The following TULP4 variants were observed in gnomAD, a reference collection of about 807,000 sequenced individuals.
TULP4 encodes TUB like protein 4.
In TULP4, 16 loss-of-function variants were observed where a neutral mutation model predicts 129.0. The observed-to-expected ratio is 0.12, with a 90% CI of 0.08 to 0.19. The LOEUF (loss-of-function observed/expected upper bound fraction) is 0.19. TULP4 is among the 10% of genes least tolerant of loss of function. The probability of loss-of-function intolerance (pLI) is 1.00; values close to 1 mark genes in which losing one functional copy is unlikely to be tolerated. For synonymous variants in TULP4, 998 were observed against 854.0 expected, an observed-to-expected ratio of 1.17 and a Z score of -2.94; for missense variants, 1,842 against 2,059.1, an observed-to-expected ratio of 0.89 and a Z score of 2.04.
intron 1 of TULP4, among the ~76,000 whole-genome samples, chr6:158,285,427 T>G (rs745435330): frequency 1.1e-4 from 17 of 152,142 alleles, no homozygotes; most frequent in Non-Finnish European, 2.1e-4. Flanking sequence ...AGGAAACACT[T>G]TTGCTGGCCA....
intron 1 of TULP4, among the ~76,000 whole-genome samples, chr6:158,241,566 A>T (rs1043447739): frequency 4.0e-5 from 6 of 150,784 alleles, no homozygotes; most frequent in African/African-American, 1.5e-4. Flanking sequence ...ATACAGCGAA[A>T]CCCCGTCTCC....
chr6:158,450,188 C>T (rs560409497), intron 4 of TULP4, among the ~76,000 whole-genome samples: 9 of 152,346 alleles, frequency 5.9e-5, no homozygotes, highest in Non-Finnish European at 1.0e-4. Context: ...AGTGGTCACA[C>T]TGCCGCAGGC....
chr6:158,429,593 T>C, intron 2 of TULP4, 143 bp from the exon 3 acceptor site: 2 of 944,314 alleles, frequency 2.1e-6, no homozygotes, highest in Non-Finnish European at 3.1e-6. Context: ...GTAACGTTTT[T>C]ATAGCTTTCA....
At position 158,296,022 on chromosome 6, in the gene TULP4, G is replaced by A. The variant is rs143770317; in HGVS notation, n.116+13644G>A. 7.0e-4 allele frequency among the ~76,000 whole-genome samples: 106 copies of A among 152,116 alleles called. 2 individuals are homozygous for A. In the East Asian group the frequency reaches 0.012, roughly 17 times the overall value. On this transcript the variant is annotated intron_variant and non_coding_transcript_variant, in intron 1 of 1. Coordinates refer to the TULP4 transcript ENST00000432358. Reference sequence around the variant, plus strand: ...TATTTTTTCTTTTTAATTTTTAGTCGTACCACCAATGTATTCTCTATTAAC... The same window carrying A: ...TATTTTTTCTTTTTAATTTTTAGTCATACCACCAATGTATTCTCTATTAAC...
At chr6:158,275,911 G>A (rs1161370523) in intron 1 of TULP4, among the ~76,000 whole-genome samples, 1 of 152,144 alleles carries the variant, frequency 6.6e-6, no homozygotes, top group Non-Finnish European at 1.5e-5. Flanking sequence ...GGAGTATACA[G>A]TTCAGATATA....
intron 1 of TULP4, among the ~76,000 whole-genome samples, chr6:158,243,208 C>T (rs1777958789): frequency 1.3e-5 from 2 of 152,244 alleles, no homozygotes; most frequent in South Asian, 4.1e-4. Flanking sequence ...CTCTCACGTC[C>T]CTCCACTTGG....
At chr6:158,283,148 A>C (rs903729968) in intron 1 of TULP4, among the ~76,000 whole-genome samples, 8 of 151,792 alleles carry the variant, frequency 5.3e-5, no homozygotes, top group Non-Finnish European at 4.4e-5. Flanking sequence ...CAAAAAAAAA[A>C]AAACAAAAAA....
rs1030935225 is a variant in TULP4, at chr6:158,494,687, T to C, written c.1777-66T>C. On this transcript the variant is annotated intron_variant, in intron 10 of 13. Transcript: ENST00000367097. The stretch of plus-strand genomic sequence containing the variant: ...AAGTAATAAATATTAACATTCTTAC[T>C]GAGTGACCAGTTGAAAATACGGAAA... 4 of 1,429,372 alleles carry C rather than the reference T, an allele frequency of 2.8e-6. No individual in the cohort carries two copies. The South Asian group carries it at 3.6e-5, about 13-fold the overall frequency. The allele number at this position is 1,429,372 out of a possible 1,614,324, so 88.5% of individuals were successfully genotyped here.
Position 158,292,345 on chromosome 6 carries a change from C to G in TULP4, n.116+9967C>G, listed in dbSNP as rs571568639. Among the ~76,000 whole-genome samples, 3 of 152,306 alleles carry G rather than the reference C, an allele frequency of 2.0e-5. No individual in the cohort carries two copies. In the South Asian group the frequency reaches 6.2e-4, roughly 32 times the overall value. On this transcript the variant is annotated intron_variant and non_coding_transcript_variant, in intron 1 of 1. Transcript: ENST00000432358. ...TTCTGGGTAAACTGTGACTATTGGTCACCCTAATTCCGATTCCAGTGCTTG... is the reference window on the plus strand; with the variant it reads ...TTCTGGGTAAACTGTGACTATTGGTGACCCTAATTCCGATTCCAGTGCTTG...
intron 2 of TULP4, among the ~76,000 whole-genome samples, chr6:158,419,349 G>T (rs1055950517): frequency 1.1e-4 from 16 of 152,116 alleles, no homozygotes; most frequent in African/African-American, 3.9e-4. Context: ...TTTTTAAAAA[G>T]CTAAATGTTT....
intron 1 of TULP4, among the ~76,000 whole-genome samples, chr6:158,249,388 T>G (rs550604428): frequency 2.3e-4 from 35 of 150,942 alleles, no homozygotes; most frequent in African/African-American, 8.2e-4. Flanking sequence ...ACATTTTGCT[T>G]ATCTTATTCC....
At chr6:158,241,488 A>G (rs1463324902) in intron 1 of TULP4, among the ~76,000 whole-genome samples, 2 of 151,782 alleles carry the variant, frequency 1.3e-5, no homozygotes, top group African/African-American at 2.4e-5. Context: ...TCCGTCTGCA[A>G]TCCCGGCACC....
At chr6:158,301,349 G>A (rs1049661580) in intron 1 of TULP4, among the ~76,000 whole-genome samples, 1 of 151,764 alleles carries the variant, frequency 6.6e-6, no homozygotes, top group Admixed American at 6.6e-5. Context: ...GCTGATCTTT[G>A]GTCAATCAAG....
intron 1 of TULP4, among the ~76,000 whole-genome samples, chr6:158,399,130 T>G (rs1777787357): frequency 6.6e-6 from 1 of 152,190 alleles, no homozygotes; most frequent in Admixed American, 6.5e-5. Flanking sequence ...GTCTGAAGAT[T>G]GGTAGTTTAT....
At chr6:158,386,545 AT>A (rs921070687) in intron 1 of TULP4, among the ~76,000 whole-genome samples, 9 of 152,074 alleles carry the variant, frequency 5.9e-5, no homozygotes, top group Admixed American at 3.9e-4. Flanking sequence ...CTATATATCT[AT>A]TTTTTTTACA....
At chr6:158,492,285 A>G (rs1583937377) in intron 9 of TULP4, among the ~76,000 whole-genome samples, 1 of 152,206 alleles carries the variant, frequency 6.6e-6, no homozygotes, top group East Asian at 1.9e-4. Context: ...TGGTTACCTA[A>G]GGTCATGAAG....
At chr6:158,486,844 C>T (rs1448237397) in intron 8 of TULP4, among the ~76,000 whole-genome samples, 1 of 152,166 alleles carries the variant, frequency 6.6e-6, no homozygotes, top group Non-Finnish European at 1.5e-5. Context: ...GGCACAGTGG[C>T]TCACCCCTGT....
intron 1 of TULP4, among the ~76,000 whole-genome samples, chr6:158,316,474 T>C (rs1292705409): frequency 2.0e-5 from 3 of 152,222 alleles, no homozygotes; most frequent in Non-Finnish European, 2.9e-5. Flanking sequence ...TTGAACTTTT[T>C]CCATTAAAAA....
chr6:158,432,634 G>A (rs553321406), intron 3 of TULP4, among the ~76,000 whole-genome samples: 12 of 152,270 alleles, frequency 7.9e-5, no homozygotes, highest in Admixed American at 1.3e-4. Context: ...AGGCCAAGGC[G>A]GGTGGATCAT....
Sources: gnomAD v4.1 joint callset for allele counts (sites outside exome capture counted in the v4.1 genomes callset) on GRCh38, gnomAD v4.1.1 for gene constraint, MANE v1.5 for transcripts, NCBI Gene and HGNC (gene_info 2026-07-23, HGNC 2026-07-21) for gene names.